PRP4K: variants seen among roughly 807,000 people sequenced by gnomAD.
PRP4K encodes serine/threonine-protein kinase PRP4 homolog.
At chr6:4,053,655 T>C in the PRP4K span, among the ~76,000 whole-genome samples, 107,257 of 152,034 alleles carry the variant, frequency 0.71, 37,897 homozygotes, top group East Asian at 0.77. Flanking sequence ...CTCCCCTCCC[T>C]GGCCCCATTA....
the PRP4K span, among the ~76,000 whole-genome samples, chr6:4,034,392 G>T: frequency 5.3e-5 from 8 of 152,082 alleles, no homozygotes; most frequent in Admixed American, 1.3e-4. Context: ...TTATATGTGA[G>T]GTTTCTTTAT....
At chr6:4,025,793 A>G in the PRP4K span, among the ~76,000 whole-genome samples, 2 of 152,208 alleles carry the variant, frequency 1.3e-5, no homozygotes, top group East Asian at 3.8e-4. Context: ...AGAAAAGATA[A>G]GGTTCAAAAA....
the PRP4K span, among the ~76,000 whole-genome samples, chr6:4,029,540 A>T: frequency 1.3e-5 from 2 of 151,522 alleles, no homozygotes; most frequent in African/African-American, 4.8e-5. Context: ...TTTAATAAAG[A>T]TGAGGTCTCA....
the PRP4K span, among the ~76,000 whole-genome samples, chr6:4,034,158 T>G: frequency 1.0e-4 from 5 of 49,532 alleles, no homozygotes; most frequent in Non-Finnish European, 3.8e-4. Context: ...TATAAGGGAA[T>G]TTTTTTTTTT....
At chr6:4,049,163 G>A in the PRP4K span, 2 of 1,401,572 alleles carry the variant, frequency 1.4e-6, no homozygotes, top group East Asian at 2.4e-5. Flanking sequence ...GCAAAAGCAT[G>A]CTGCTTGATG....
chr6:4,028,679 C>G, the PRP4K span, among the ~76,000 whole-genome samples: 1 of 152,196 alleles, frequency 6.6e-6, no homozygotes, highest in South Asian at 2.1e-4. Flanking sequence ...TTCTGCACAT[C>G]TCTTAAATAC....
chr6:4,048,492 G>A, the PRP4K span, among the ~76,000 whole-genome samples: 51 of 152,102 alleles, frequency 3.4e-4, no homozygotes, highest in Non-Finnish European at 5.9e-5. Flanking sequence ...TGCATGTATG[G>A]GAAGAATGGT....
At chr6:4,047,971 A>G in the PRP4K span, among the ~76,000 whole-genome samples, 1 of 151,556 alleles carries the variant, frequency 6.6e-6, no homozygotes, top group Admixed American at 6.6e-5. Flanking sequence ...CCAACCTATA[A>G]ATGAATTAGG....
At chr6:4,050,896 GTTGT>G in the PRP4K span, among the ~76,000 whole-genome samples, 40 of 152,006 alleles carry the variant, frequency 2.6e-4, no homozygotes, top group East Asian at 9.7e-4. Flanking sequence ...TTTTTTTGTT[GTTGT>G]TTGTTTGTTT....
chr6:4,043,788 A>T, the PRP4K span: 2 of 1,602,218 alleles, frequency 1.2e-6, no homozygotes, highest in East Asian at 4.5e-5. Flanking sequence ...TTATGAAAGT[A>T]TTATCTTCTG....
At chr6:4,046,298 T>C in the PRP4K span, among the ~76,000 whole-genome samples, 1 of 152,350 alleles carries the variant, frequency 6.6e-6, no homozygotes, top group Non-Finnish European at 1.5e-5. Context: ...CAGAATGTTG[T>C]TGTACTTTTG....
the PRP4K span, chr6:4,032,495 T>G: frequency 6.2e-7 from 1 of 1,613,896 alleles, no homozygotes; most frequent in Non-Finnish European, 8.5e-7. Context: ...AGAAGCCAAT[T>G]AAATCTCCCT....
At chr6:4,047,360 T>C in the PRP4K span, 1 of 928,306 alleles carries the variant, frequency 1.1e-6, no homozygotes, top group African/African-American at 1.7e-5. Context: ...TTTTGAACAG[T>C]GTGGGTGAAA....
At chr6:4,041,477 T>TG in the PRP4K span, among the ~76,000 whole-genome samples, 2 of 152,018 alleles carry the variant, frequency 1.3e-5, no homozygotes, top group East Asian at 1.9e-4. Flanking sequence ...CACTTGACCC[T>TG]GGGGGGAGAA....
At chr6:4,061,063 G>A in the PRP4K span, 1 of 174,860 alleles carries the variant, frequency 5.7e-6, no homozygotes, top group Non-Finnish European at 1.2e-5. Flanking sequence ...AGTCAGTGCC[G>A]AAAGGGGTCT....
the PRP4K span, among the ~76,000 whole-genome samples, chr6:4,036,076 G>A: frequency 2.0e-5 from 3 of 152,226 alleles, no homozygotes; most frequent in South Asian, 6.2e-4. Flanking sequence ...ACCAAACCTG[G>A]AATAACATTA....
At chr6:4,035,503 TAA>T in the PRP4K span, among the ~76,000 whole-genome samples, 4 of 151,904 alleles carry the variant, frequency 2.6e-5, no homozygotes, top group African/African-American at 7.3e-5. Context: ...GCAGATTAAA[TAA>T]AAGAGTTTCC....
At chr6:4,032,792 T>C in the PRP4K span, 1 of 1,457,542 alleles carries the variant, frequency 6.9e-7, no homozygotes, top group Non-Finnish European at 9.0e-7. Flanking sequence ...TTTTTACCAG[T>C]GCATGAGATT....
the PRP4K span, among the ~76,000 whole-genome samples, chr6:4,034,774 G>A: frequency 3.1e-3 from 466 of 151,752 alleles, 19 homozygotes; most frequent in Admixed American, 0.028. Flanking sequence ...GTGCAGTGGC[G>A]TGGTCTCGGC....
Sources: allele counts gnomAD v4.1 joint callset (sites outside exome capture counted in the v4.1 genomes callset), GRCh38; gene constraint gnomAD v4.1.1; transcripts MANE v1.5; gene names NCBI Gene and HGNC (gene_info 2026-07-23, HGNC 2026-07-21).